Variants in CFAP69 observed in about 807,000 individuals in gnomAD.
CFAP69 encodes cilia- and flagella-associated protein 69.
Under a neutral mutation model 123.0 loss-of-function variants are expected in CFAP69, and 92 were observed. That is an observed-to-expected ratio of 0.75 (90% CI 0.63 to 0.89). The LOEUF (loss-of-function observed/expected upper bound fraction) is 0.89. Among genes scored for constraint, CFAP69 ranks in the 40% least tolerant of loss-of-function variants. The pLI is 0.00. For missense variants in CFAP69, 1,067 were observed against 1,096.9 expected (o/e 0.97, Z 0.39); for synonymous variants, 380 against 364.3 (o/e 1.04, Z -0.49).
At position 90,271,689 on chromosome 7, in the gene CFAP69, T is replaced by G; in HGVS notation, c.682+14T>G. ...TCTCAACTTCTGGTTTGTATATTAT[T>G]AAGTTTAAACACTTCATTGTCAACT... On this transcript the variant is annotated intron_variant, in intron 7 of 22. Coordinates refer to ENST00000389297, the MANE Select transcript of CFAP69 (RefSeq NM_001039706.3). The G allele has an allele frequency of 6.2e-7, 1 of 1,610,886 alleles. No homozygotes were observed. The highest frequency in any genetic ancestry group is 1.7e-5 in the Admixed American group (1 of 59,570).
In CFAP69 at chr7:90,274,098, A is replaced by C. The variant is rs761696915; in HGVS notation, c.972A>C (p.Glu324Asp). The change falls in exon 9 of 23, where the codon GAA becomes GAC. Residue 324 changes from glutamate (E) to aspartate (D), a missense_variant. Physicochemically the swap from Glu to Asp is conservative, Grantham distance 45 (BLOSUM62 2). Transcript: ENST00000389297. ...CTACAATTATAGCTCAAAATCCTGA[A>C]GCACCAATGATTGTAAGTATGAATC... ...VITTIIAQNP[E>D]APMIECGFTK... The C allele has an allele frequency of 6.3e-7, 1 of 1,593,364 alleles. No homozygotes were observed. The highest frequency in any genetic ancestry group is 1.8e-5 in the Admixed American group (1 of 54,748).
At position 90,285,361 on chromosome 7, in the gene CFAP69, G is replaced by A. The variant is rs11563552; in HGVS notation, c.1538-920G>A. Among the ~76,000 whole-genome samples, 47 of 152,174 alleles carry A rather than the reference G, an allele frequency of 3.1e-4. No individual in the cohort carries two copies. In the South Asian group the frequency reaches 9.0e-3, roughly 29 times the overall value. On this transcript the variant is annotated intron_variant, in intron 13 of 22. Coordinates refer to ENST00000389297, the MANE Select transcript of CFAP69 (RefSeq NM_001039706.3). Reference sequence around the variant, plus strand: ...CATGGCCCTTCTACTTTGGAACATAGCTCCATACTTTCCCACTAATGCCAG... The same window carrying A: ...CATGGCCCTTCTACTTTGGAACATAACTCCATACTTTCCCACTAATGCCAG...
chr7:90,314,154 A>G (rs369094291), downstream of CFAP69, among the ~76,000 whole-genome samples: 299 of 152,328 alleles, frequency 2.0e-3, 9 homozygotes, highest in South Asian at 0.059. Context: ...CACAACCCAC[A>G]GGAACCTCAG....
chr7:90,279,641 T>C, intron 11 of CFAP69, 36 bp from the exon 12 acceptor site: 1 of 1,340,028 alleles, frequency 7.5e-7, no homozygotes, highest in Non-Finnish European at 1.0e-6. Flanking sequence ...TTTTTGGCTA[T>C]GTTTCTAACA....
intron 3 of CFAP69, among the ~76,000 whole-genome samples, chr7:90,259,597 C>T (rs1357965323): frequency 6.6e-6 from 1 of 152,014 alleles, no homozygotes; most frequent in Non-Finnish European, 1.5e-5. Flanking sequence ...CTTAAGCGAT[C>T]CTCTCACCTC....
the CFAP69 span, chr7:90,319,494 T>A: frequency 2.5e-6 from 1 of 398,464 alleles, no homozygotes; most frequent in Admixed American, 4.4e-5. Flanking sequence ...CATTATAATG[T>A]CCAGGCCGCT....
the CFAP69 span, chr7:90,320,689 C>G: frequency 1.3e-5 from 2 of 152,330 alleles, no homozygotes; most frequent in African/African-American, 4.8e-5. Flanking sequence ...ACCTTTCCCC[C>G]CGTACACAGC....
At chr7:90,259,742 T>C (rs999008428) in intron 3 of CFAP69, among the ~76,000 whole-genome samples, 1 of 152,130 alleles carries the variant, frequency 6.6e-6, no homozygotes, top group Admixed American at 6.6e-5. Flanking sequence ...CGCCTCGGCC[T>C]CCCAAAGTGC....
Position 90,286,371 on chromosome 7 carries a change from G to C in CFAP69, c.1628G>C (p.Gly543Ala). Residue 543 changes from glycine (G) to alanine (A), a missense_variant, in exon 14 of 23, where the codon GGC (glycine) becomes GCC (alanine). Transcript: ENST00000389297. ...TCTGATATATTACTTATCCTATCTG[G>C]CCTTTGTGAGAATCACATTCAAAGG... ...IQSDILLILS[G>A]LCENHIQRKE... The C allele has an allele frequency of 6.2e-7, 1 of 1,611,650 alleles. No individual in the cohort carries two copies. Among genetic ancestry groups the C allele is most frequent in the Non-Finnish European group, 8.5e-7 (1 of 1,179,238 alleles).
At position 90,311,000 on chromosome 7, in the gene CFAP69, A is replaced by G. The variant is rs1794276933; in HGVS notation, c.*762A>G. 1 of 152,298 alleles carries G rather than the reference A, an allele frequency of 6.6e-6. No homozygotes were observed. Among genetic ancestry groups the G allele is most frequent in the South Asian group, 2.1e-4 (1 of 4,812 alleles). The allele number at this position is 152,298 out of a possible 1,614,324, so 9.4% of individuals were successfully genotyped here. ...AAATGTTAGTCATGAGCCAAATGGT[A>G]AAAAAGAAAAAAAAATGCAGCTGGT... is the stretch of plus-strand genomic sequence containing the variant. On this transcript the variant is annotated 3_prime_UTR_variant, in exon 23 of 23. Transcript: ENST00000389297.
chr7:90,321,845 C>A, the CFAP69 span, among the ~76,000 whole-genome samples: 1 of 152,204 alleles, frequency 6.6e-6, no homozygotes, highest in Non-Finnish European at 1.5e-5. Flanking sequence ...CCTTGAATTT[C>A]ACATATGTAT....
intron 1 of CFAP69, chr7:90,251,851 A>G (rs1562834655): frequency 6.6e-6 from 1 of 152,188 alleles, no homozygotes. Flanking sequence ...GTTCTTTTAA[A>G]AATTATACCT....
chr7:90,286,949 G>A (rs901480222), intron 14 of CFAP69, among the ~76,000 whole-genome samples: 19 of 151,004 alleles, frequency 1.3e-4, no homozygotes, highest in African/African-American at 4.4e-4. Flanking sequence ...TTAGCCAGGC[G>A]TTGTGGTGTG....
chr7:90,270,549 T>C (rs760941336), intron 6 of CFAP69, among the ~76,000 whole-genome samples: 26 of 152,134 alleles, frequency 1.7e-4, no homozygotes, highest in Admixed American at 6.6e-5. Flanking sequence ...TTATAATTCA[T>C]GAGGTGAGTA....
intron 6 of CFAP69, chr7:90,270,074 G>A (rs1371278758): frequency 6.6e-6 from 1 of 152,136 alleles, no homozygotes; most frequent in Non-Finnish European, 1.5e-5. Flanking sequence ...TGAAAATTAG[G>A]AGTCAGTGCT....
intron 15 of CFAP69, among the ~76,000 whole-genome samples, chr7:90,289,753 C>T (rs1239139776): frequency 6.6e-6 from 1 of 152,046 alleles, no homozygotes; most frequent in Non-Finnish European, 1.5e-5. Flanking sequence ...TATTGTTTTG[C>T]CCTTTACATT....
intron 3 of CFAP69, among the ~76,000 whole-genome samples, chr7:90,259,333 C>T (rs115565407): frequency 1.1e-4 from 16 of 152,264 alleles, no homozygotes; most frequent in African/African-American, 3.6e-4. Context: ...TGCTGAAACC[C>T]AGGAATTCAA....
chr7:90,314,026 C>T (rs1399338116), downstream of CFAP69, among the ~76,000 whole-genome samples: 2 of 152,272 alleles, frequency 1.3e-5, no homozygotes, highest in Admixed American at 6.5e-5. Flanking sequence ...ATCCCAAAAA[C>T]CTATAATCCC....
downstream of CFAP69, among the ~76,000 whole-genome samples, chr7:90,311,899 A>G (rs17866069): frequency 3.4e-3 from 517 of 152,302 alleles, 3 homozygotes; most frequent in African/African-American, 0.012. Flanking sequence ...ATTAGAAGGC[A>G]TAATTTGTTT....
Sources: gnomAD v4.1 joint callset for allele counts (sites outside exome capture counted in the v4.1 genomes callset) on GRCh38, gnomAD v4.1.1 for gene constraint, MANE v1.5 for transcripts, NCBI Gene and HGNC (gene_info 2026-07-23, HGNC 2026-07-21) for gene names.